Variants in RASEF observed in about 807,000 individuals in gnomAD.
RASEF encodes the protein ras and EF-hand domain-containing protein.
In RASEF, 68 loss-of-function variants were observed where a neutral mutation model predicts 90.1. That is an observed-to-expected ratio of 0.75 (90% CI 0.62 to 0.92). The LOEUF (loss-of-function observed/expected upper bound fraction) is 0.92, where lower values mean the gene tolerates loss of function less well. RASEF is among the 40% of genes least tolerant of loss of function. The pLI, the probability that RASEF is intolerant of heterozygous loss-of-function variation, is 0.00. For missense variants in RASEF, 949 were observed against 937.2 expected (o/e 1.01, Z -0.16); for synonymous variants, 331 against 345.2 (o/e 0.96, Z 0.46).
At chr9:82,983,926 G>A (rs1210845638) in intron 16 of RASEF, among the ~76,000 whole-genome samples, 2 of 152,168 alleles carry the variant, frequency 1.3e-5, no homozygotes, top group African/African-American at 4.8e-5. Flanking sequence ...GCAAACATAG[G>A]AGATACTCAT....
At chr9:83,107,549 C>T in the RASEF span, among the ~76,000 whole-genome samples, 26 of 152,096 alleles carry the variant, frequency 1.7e-4, no homozygotes, top group Non-Finnish European at 3.1e-4. Flanking sequence ...CATGCCAAGC[C>T]GGTTTTTGAC....
chr9:83,000,797 G>T, intron 10 of RASEF, 99 bp downstream of exon 10: 1 of 1,096,426 alleles, frequency 9.1e-7, no homozygotes, highest in Non-Finnish European at 1.3e-6. Context: ...TTACATCTAT[G>T]ACCTTTAAAA....
upstream of RASEF, among the ~76,000 whole-genome samples, chr9:83,067,802 C>G (rs750119166): frequency 6.6e-6 from 1 of 152,162 alleles, no homozygotes; most frequent in African/African-American, 2.4e-5. Context: ...TGTCATTTTC[C>G]CACATTAGCA....
chr9:83,212,218 G>T, the RASEF span, among the ~76,000 whole-genome samples: 20 of 152,170 alleles, frequency 1.3e-4, no homozygotes, highest in Admixed American at 5.9e-4. Flanking sequence ...CTTGCCCAAG[G>T]TCACATAGCT....
intron 5 of RASEF, 42 bp from the exon 6 acceptor site, chr9:83,009,798 C>T (rs1829206976): frequency 7.9e-7 from 1 of 1,266,094 alleles, no homozygotes; most frequent in South Asian, 1.2e-5. Flanking sequence ...TTCAGATTTT[C>T]CTCTGCCTGG....
chr9:83,025,360 T>A (rs1014855476), intron 2 of RASEF, among the ~76,000 whole-genome samples: 1 of 152,130 alleles, frequency 6.6e-6, no homozygotes, highest in African/African-American at 2.4e-5. Flanking sequence ...AAGATATTCA[T>A]CCTCATTTTG....
At chr9:83,114,108 A>G in the RASEF span, among the ~76,000 whole-genome samples, 1 of 152,160 alleles carries the variant, frequency 6.6e-6, no homozygotes, top group Non-Finnish European at 1.5e-5. Flanking sequence ...AGGACCCCGA[A>G]TGGAGGGACC....
chr9:83,098,384 C>G, the RASEF span, among the ~76,000 whole-genome samples: 3 of 152,108 alleles, frequency 2.0e-5, no homozygotes, highest in Non-Finnish European at 4.4e-5. Flanking sequence ...AAAATCAAAT[C>G]TAACCTATGA....
At chr9:83,060,371 C>T (rs1830182358) in intron 1 of RASEF, among the ~76,000 whole-genome samples, 1 of 152,214 alleles carries the variant, frequency 6.6e-6, no homozygotes, top group Admixed American at 6.5e-5. Flanking sequence ...GTCCACAATA[C>T]AGGGAGTTTC....
the RASEF span, among the ~76,000 whole-genome samples, chr9:83,171,783 G>A: frequency 6.6e-6 from 1 of 151,516 alleles, no homozygotes; most frequent in Non-Finnish European, 1.5e-5. Flanking sequence ...TGTTGTCTCT[G>A]GTTTTATTTA....
the RASEF span, among the ~76,000 whole-genome samples, chr9:83,214,731 C>T: frequency 6.6e-6 from 1 of 152,002 alleles, no homozygotes; most frequent in African/African-American, 2.4e-5. Context: ...TAGTCTCTTG[C>T]CTGCTGCCAT....
At chr9:82,991,276 G>C (rs898560378) in intron 15 of RASEF, among the ~76,000 whole-genome samples, 1 of 152,120 alleles carries the variant, frequency 6.6e-6, no homozygotes, top group Non-Finnish European at 1.5e-5. Flanking sequence ...GGGATTTTTA[G>C]GTAATCCTTC....
At chr9:82,991,761 A>C (rs1160125977) in intron 15 of RASEF, among the ~76,000 whole-genome samples, 1 of 152,220 alleles carries the variant, frequency 6.6e-6, no homozygotes, top group Non-Finnish European at 1.5e-5. Context: ...GAGATGCATA[A>C]GGAAGCAAAC....
chr9:83,177,460 C>G, the RASEF span, among the ~76,000 whole-genome samples: 1 of 152,016 alleles, frequency 6.6e-6, no homozygotes, highest in African/African-American at 2.4e-5. Context: ...AAGATTGTCT[C>G]CTGGATATAA....
chr9:83,083,854 A>T, the RASEF span, among the ~76,000 whole-genome samples: 1 of 152,148 alleles, frequency 6.6e-6, no homozygotes, highest in Non-Finnish European at 1.5e-5. Flanking sequence ...TGGTAAGTTC[A>T]TAACTTTTGA....
the RASEF span, among the ~76,000 whole-genome samples, chr9:83,183,563 A>T: frequency 6.6e-6 from 1 of 152,168 alleles, no homozygotes. Context: ...TTTTCTTCCC[A>T]CTGTTAGATA....
intron 1 of RASEF, chr9:83,055,061 G>T (rs1830077527): frequency 1.3e-5 from 2 of 151,704 alleles, no homozygotes; most frequent in Admixed American, 6.3e-5. Context: ...CTTGAGCTGT[G>T]GTGGGCTCCA....
chr9:83,009,507 A>G (rs895178320), intron 6 of RASEF, 134 bp downstream of exon 6: 2 of 518,478 alleles, frequency 3.9e-6, no homozygotes, highest in African/African-American at 3.8e-5. Flanking sequence ...GATACTGAAA[A>G]TAAAATCATT....
chr9:83,029,700 C>A (rs745855050), intron 1 of RASEF, among the ~76,000 whole-genome samples: 9 of 151,260 alleles, frequency 6.0e-5, no homozygotes, highest in Non-Finnish European at 1.2e-4. Context: ...CGTGTGCCAA[C>A]ACGCCTGGCC....
Sources: allele counts gnomAD v4.1 joint callset (sites outside exome capture counted in the v4.1 genomes callset), GRCh38; gene constraint gnomAD v4.1.1; transcripts MANE v1.5; gene names NCBI Gene and HGNC (gene_info 2026-07-23, HGNC 2026-07-21).